CSMD1: variants seen among roughly 807,000 people sequenced by gnomAD.
CSMD1 encodes the protein CUB and Sushi multiple domains 1.
In CSMD1, 213 loss-of-function variants were observed where a neutral mutation model predicts 417.5. The observed-to-expected ratio is 0.51, with a 90% CI of 0.46 to 0.57. The LOEUF (loss-of-function observed/expected upper bound fraction) is 0.57, where lower values mean the gene tolerates loss of function less well. CSMD1 is among the 20% of genes least tolerant of loss of function. The probability of loss-of-function intolerance (pLI) is 0.00; values close to 1 mark genes in which losing one functional copy is unlikely to be tolerated. For synonymous variants in CSMD1, 2,862 were observed against 1,736.8 expected, an observed-to-expected ratio of 1.65 and a Z score of -16.11; for missense variants, 6,923 against 4,529.7, an observed-to-expected ratio of 1.53 and a Z score of -15.17.
At chr8:4,829,410 T>C (rs1265291888) in intron 1 of CSMD1, among the ~76,000 whole-genome samples, 1 of 152,296 alleles carries the variant, frequency 6.6e-6, no homozygotes, top group East Asian at 1.9e-4. Context: ...GACTTAGTCA[T>C]ACCTTTTACT....
chr8:4,878,045 A>T (rs995010492), intron 1 of CSMD1, among the ~76,000 whole-genome samples: 1 of 152,110 alleles, frequency 6.6e-6, no homozygotes, highest in Non-Finnish European at 1.5e-5. Context: ...AACCTATTTG[A>T]TCTGAGCTTA....
At chr8:2,977,567 T>C (rs143066585) in intron 55 of CSMD1, among the ~76,000 whole-genome samples, 1 of 152,296 alleles carries the variant, frequency 6.6e-6, no homozygotes, top group Non-Finnish European at 1.5e-5. Flanking sequence ...AACATACACA[T>C]GCATGTATCA....
chr8:4,215,106 G>T (rs747495040), intron 3 of CSMD1, among the ~76,000 whole-genome samples: 2 of 152,154 alleles, frequency 1.3e-5, no homozygotes, highest in Non-Finnish European at 2.9e-5. Context: ...CCGGACAAGT[G>T]AATAGGTCTC....
intron 6 of CSMD1, among the ~76,000 whole-genome samples, chr8:3,733,993 C>T (rs188232570): frequency 3.3e-5 from 5 of 151,968 alleles, no homozygotes; most frequent in South Asian, 4.1e-4. Context: ...GATGTCTGTA[C>T]GTGTGCAAGG....
At chr8:3,653,806 T>G (rs995914298) in intron 7 of CSMD1, among the ~76,000 whole-genome samples, 1 of 152,234 alleles carries the variant, frequency 6.6e-6, no homozygotes, top group African/African-American at 2.4e-5. Context: ...ACAAGTTTAA[T>G]GACCAATACA....
chr8:3,516,730 G>A (rs1797297692), intron 10 of CSMD1, among the ~76,000 whole-genome samples: 2 of 152,014 alleles, frequency 1.3e-5, no homozygotes, highest in East Asian at 3.9e-4. Flanking sequence ...ATATTTTGGG[G>A]CATGCCTCAC....
At chr8:3,174,625 T>C (rs945384357) in intron 37 of CSMD1, among the ~76,000 whole-genome samples, 1 of 152,258 alleles carries the variant, frequency 6.6e-6, no homozygotes, top group Non-Finnish European at 1.5e-5. Flanking sequence ...TCTCTCTTAA[T>C]TACTGTTTTC....
At chr8:3,106,781 T>A in intron 45 of CSMD1, 140 bp from the exon 46 acceptor site, 8 of 525,438 alleles carry the variant, frequency 1.5e-5, no homozygotes, top group Non-Finnish European at 3.4e-6. Context: ...TTATTTTTAG[T>A]CTTTTAAAAA....
chr8:4,178,966 T>C (rs1229760284), intron 3 of CSMD1, among the ~76,000 whole-genome samples: 2 of 152,106 alleles, frequency 1.3e-5, no homozygotes, highest in Non-Finnish European at 2.9e-5. Flanking sequence ...TGCTCATGGG[T>C]AGGAAGAATC....
intron 41 of CSMD1, among the ~76,000 whole-genome samples, chr8:3,130,865 A>T (rs1817757457): frequency 6.6e-6 from 1 of 152,168 alleles, no homozygotes; most frequent in Non-Finnish European, 1.5e-5. Context: ...TCAATGCCCT[A>T]AACATATGTT....
intron 4 of CSMD1, among the ~76,000 whole-genome samples, chr8:4,028,196 G>T (rs1022972811): frequency 7.9e-5 from 12 of 152,178 alleles, no homozygotes; most frequent in African/African-American, 2.9e-4. Flanking sequence ...GTCATCATAT[G>T]AATTTCTCTA....
chr8:4,767,843 G>C (rs191143615), intron 1 of CSMD1, among the ~76,000 whole-genome samples: 91 of 152,264 alleles, frequency 6.0e-4, no homozygotes, highest in African/African-American at 2.1e-3. Flanking sequence ...CTGCCCAGGA[G>C]TGTCCCTCTC....
intron 1 of CSMD1, among the ~76,000 whole-genome samples, chr8:4,854,460 G>T: frequency 6.6e-6 from 1 of 152,262 alleles, no homozygotes; most frequent in Middle Eastern, 3.4e-3. Context: ...CACTGTGAGC[G>T]ACGCAGAAGA....
Position 4,014,024 on chromosome 8 carries a change from T to TA in CSMD1, c.611-15915dup, listed in dbSNP as rs149176176. On this transcript the variant is annotated intron_variant, in intron 4 of 69. Transcript: ENST00000635120. ...AACACACGTAAATACTGAAAGGACATACGGAGAAATATTGATGTGTATTGG... is the reference window on the plus strand; with the variant it reads ...AACACACGTAAATACTGAAAGGACATAACGGAGAAATATTGATGTGTATTGG... Among the ~76,000 whole-genome samples the TA allele has an allele frequency of 9.8e-3, 1,488 of 152,212 alleles. 22 individuals carry two copies. The highest frequency in any genetic ancestry group is 0.034 in the African/African-American group (1,403 of 41,512).
chr8:3,486,660 C>A (rs1039660371), intron 11 of CSMD1, among the ~76,000 whole-genome samples: 1 of 152,242 alleles, frequency 6.6e-6, no homozygotes, highest in African/African-American at 2.4e-5. Flanking sequence ...ACCTTATTTG[C>A]AGCAGCAGCT....
chr8:3,308,415 A>G lies in CSMD1; in HGVS notation c.3720T>C (p.Val1240=). 6.2e-7 allele frequency: 1 copy of G among 1,613,588 alleles called. No homozygotes were observed. The highest frequency in any genetic ancestry group is 8.5e-7 in the Non-Finnish European group (1 of 1,179,554). Residue 1240 remains valine, a synonymous_variant, in exon 24 of 70, where the codon GTT becomes GTC. Transcript: ENST00000635120. ...CGTACCCCGGGTTGCAACTGTACAG[A>G]ACTACAGTGTCGGTAAAGTGGCCTT... ...RDEGHFTDTV[V]LYSCNPGYAM... is the part of the protein sequence containing the mutation.
chr8:3,290,333 C>G (rs1803457310), intron 25 of CSMD1, among the ~76,000 whole-genome samples: 1 of 146,564 alleles, frequency 6.8e-6, no homozygotes, highest in East Asian at 2.0e-4. Context: ...TCCATATGAA[C>G]TTTAAAGTAG....
At chr8:4,428,613 G>A (rs1585058976) in intron 2 of CSMD1, among the ~76,000 whole-genome samples, 1 of 152,078 alleles carries the variant, frequency 6.6e-6, no homozygotes, top group South Asian at 2.1e-4. Flanking sequence ...ATGTGCTCAA[G>A]TTCCTTTAGG....
chr8:3,694,941 T>C (rs546965718), intron 7 of CSMD1, among the ~76,000 whole-genome samples: 1 of 152,126 alleles, frequency 6.6e-6, no homozygotes, highest in African/African-American at 2.4e-5. Flanking sequence ...AGCTTGCCAG[T>C]TCAGTATGTC....
Sources: allele counts gnomAD v4.1 joint callset (sites outside exome capture counted in the v4.1 genomes callset), GRCh38; gene constraint gnomAD v4.1.1; transcripts MANE v1.5; gene names NCBI Gene and HGNC (gene_info 2026-07-23, HGNC 2026-07-21).